Variants in XNDC1N observed in about 807,000 individuals in gnomAD.
XNDC1N encodes XRCC1 N-terminal domain containing 1, N-terminal like.
At chr11:71,896,521 G>T in the XNDC1N span, among the ~76,000 whole-genome samples, 2 of 152,190 alleles carry the variant, frequency 1.3e-5, no homozygotes, top group Non-Finnish European at 2.9e-5. Context: ...TCATTATGCT[G>T]GTTTTTAAGC....
the XNDC1N span, chr11:71,916,143 A>T: frequency 1.4e-6 from 1 of 703,024 alleles, no homozygotes; most frequent in Non-Finnish European, 2.6e-6. Flanking sequence ...CCAGAGAAGA[A>T]CACACCCGTA....
chr11:71,919,391 T>G, the XNDC1N span, among the ~76,000 whole-genome samples: 1 of 168 alleles, frequency 6.0e-3, no homozygotes, highest in Non-Finnish European at 0.015. Flanking sequence ...GCAGAGCTCT[T>G]TTTTTTTTTT....
the XNDC1N span, among the ~76,000 whole-genome samples, chr11:71,913,104 C>A: frequency 6.6e-6 from 1 of 152,142 alleles, no homozygotes; most frequent in East Asian, 1.9e-4. Context: ...GGGGTGTACA[C>A]CCTCTGCGAT....
the XNDC1N span, among the ~76,000 whole-genome samples, chr11:71,886,581 G>A: frequency 2.5e-4 from 38 of 149,378 alleles, 1 homozygote; most frequent in East Asian, 4.9e-3. Context: ...ACAATTCTAC[G>A]AGAGACTGTG....
At chr11:71,878,040 C>A in the XNDC1N span, among the ~76,000 whole-genome samples, 3 of 152,228 alleles carry the variant, frequency 2.0e-5, no homozygotes, top group Non-Finnish European at 4.4e-5. Context: ...ACACACGGTG[C>A]CAAAATAGTA....
At chr11:71,893,626 T>TC in the XNDC1N span, 2 of 1,095,356 alleles carry the variant, frequency 1.8e-6, no homozygotes, top group South Asian at 1.2e-5. Context: ...CAGCTCTGAC[T>TC]CCCCCCTCCA....
the XNDC1N span, among the ~76,000 whole-genome samples, chr11:71,889,579 C>T: frequency 6.6e-6 from 1 of 152,198 alleles, no homozygotes; most frequent in African/African-American, 2.4e-5. Flanking sequence ...TGCAGTTGTA[C>T]TGGCTGTGCA....
At chr11:71,887,990 G>T in the XNDC1N span, among the ~76,000 whole-genome samples, 155 of 152,274 alleles carry the variant, frequency 1.0e-3, no homozygotes, top group African/African-American at 3.3e-3. Context: ...TCCCCAAGGG[G>T]TCAAGAACTC....
chr11:71,871,393 T>C, the XNDC1N span, among the ~76,000 whole-genome samples: 1 of 152,174 alleles, frequency 6.6e-6, no homozygotes, highest in Non-Finnish European at 1.5e-5. Flanking sequence ...GGGATAAGGA[T>C]ATCATGGTCA....
At chr11:71,889,635 C>T in the XNDC1N span, among the ~76,000 whole-genome samples, 28 of 152,282 alleles carry the variant, frequency 1.8e-4, no homozygotes, top group East Asian at 3.7e-3. Flanking sequence ...AGTTGTTAGG[C>T]CGGTATTTCT....
At chr11:71,901,545 G>C in the XNDC1N span, among the ~76,000 whole-genome samples, 1 of 152,026 alleles carries the variant, frequency 6.6e-6, no homozygotes, top group Non-Finnish European at 1.5e-5. Context: ...GTTGCGGTGA[G>C]CTGAGATCAC....
At chr11:71,894,676 T>A in the XNDC1N span, among the ~76,000 whole-genome samples, 1 of 152,216 alleles carries the variant, frequency 6.6e-6, no homozygotes, top group Non-Finnish European at 1.5e-5. Context: ...GTCATCCAGG[T>A]GGAATCACAA....
the XNDC1N span, among the ~76,000 whole-genome samples, chr11:71,882,014 C>A: frequency 1.3e-5 from 2 of 151,352 alleles, no homozygotes; most frequent in Non-Finnish European, 1.5e-5. Flanking sequence ...TGAGAGAATA[C>A]CAAGCAAGAT....
At chr11:71,924,538 C>A in the XNDC1N span, among the ~76,000 whole-genome samples, 53 of 151,986 alleles carry the variant, frequency 3.5e-4, no homozygotes, top group Non-Finnish European at 6.6e-4. Flanking sequence ...ATAAGCCTGG[C>A]GTGGTGGTGG....
At chr11:71,867,072 G>A in the XNDC1N span, among the ~76,000 whole-genome samples, 2 of 152,114 alleles carry the variant, frequency 1.3e-5, no homozygotes, top group African/African-American at 4.8e-5. Context: ...TATATTAGAT[G>A]TAAAGTAGTA....
the XNDC1N span, among the ~76,000 whole-genome samples, chr11:71,924,959 T>C: frequency 2.6e-5 from 4 of 152,112 alleles, no homozygotes; most frequent in African/African-American, 9.7e-5. Flanking sequence ...ACTCTTGATA[T>C]ACTCCTGGCC....
the XNDC1N span, among the ~76,000 whole-genome samples, chr11:71,884,800 G>A: frequency 6.6e-6 from 1 of 152,112 alleles, no homozygotes; most frequent in African/African-American, 2.4e-5. Context: ...TACTATATCC[G>A]ATGCGGGGAG....
At chr11:71,878,351 A>T in the XNDC1N span, 2 of 1,307,452 alleles carry the variant, frequency 1.5e-6, no homozygotes, top group Non-Finnish European at 2.2e-6. Context: ...TGAAAGGTTC[A>T]ATAATCACTC....
the XNDC1N span, among the ~76,000 whole-genome samples, chr11:71,923,787 C>T: frequency 1.3e-5 from 2 of 152,126 alleles, no homozygotes; most frequent in Non-Finnish European, 2.9e-5. Flanking sequence ...AATCTCCTGA[C>T]CTCATGATCC....
Sources: gnomAD v4.1 joint callset for allele counts (sites outside exome capture counted in the v4.1 genomes callset) on GRCh38, gnomAD v4.1.1 for gene constraint, MANE v1.5 for transcripts, NCBI Gene and HGNC (gene_info 2026-07-23, HGNC 2026-07-21) for gene names.